The following CAMK2G variants were observed in gnomAD, a reference collection of about 807,000 sequenced individuals.
The protein encoded by CAMK2G is calcium/calmodulin dependent protein kinase II gamma.
CAMK2G carries 23 observed loss-of-function variants against 88.7 expected under a neutral mutation model. The ratio of observed to expected loss-of-function variants is 0.26; its 90% CI spans 0.19 to 0.37. The LOEUF (loss-of-function observed/expected upper bound fraction) is 0.37, where lower values mean the gene tolerates loss of function less well. Ranked by LOEUF, CAMK2G falls within the 10% of genes least tolerant of loss-of-function variation. The probability of loss-of-function intolerance (pLI) is 1.00; values close to 1 mark genes in which losing one functional copy is unlikely to be tolerated. For synonymous variants in CAMK2G, 263 were observed against 294.8 expected (o/e 0.89, Z 1.11); for missense variants, 476 against 780.8 (o/e 0.61, Z 4.65).
Position 73,837,483 on chromosome 10 carries a change from C to T in CAMK2G, c.1038G>A (p.Ser346=), listed in dbSNP as rs765989347. The change falls in exon 14 of 23, where the codon TCG becomes TCA. Residue 346 remains serine, a synonymous_variant. Transcript: ENST00000423381. Reference sequence around the variant, plus strand: ...AGACACTTACCTTGACACCGCCATCCGACTTCTTGTTCAATAGGCTTTTGG... The same window carrying T: ...AGACACTTACCTTGACACCGCCATCTGACTTCTTGTTCAATAGGCTTTTGG... ...QAAKSLLNKK[S]DGGVKKRKSS... is the part of the protein sequence containing the mutation. 2.3e-5 allele frequency: 37 copies of T among 1,613,536 alleles called. No homozygotes were observed. Among genetic ancestry groups the T allele is most frequent in the East Asian group, 4.5e-5 (2 of 44,880 alleles).
rs1217719810 is a variant in CAMK2G, at chr10:73,848,644, C to G, written c.518-35G>C. On this transcript the variant is annotated intron_variant, in intron 7 of 22. Coordinates refer to ENST00000423381, the MANE Select transcript of CAMK2G (RefSeq NM_001367534.1). The surrounding 1 kb of genome is among the most constrained non-coding windows in gnomAD (Gnocchi z 4.5). ...AAGAGAGGGCAGAGGCATACTGAACCCACTTTCTCTCTCGTTAAATCCACA... is the reference window on the plus strand; with the variant it reads ...AAGAGAGGGCAGAGGCATACTGAACGCACTTTCTCTCTCGTTAAATCCACA... 5 of 1,252,924 alleles carry G rather than the reference C, an allele frequency of 4.0e-6. No homozygotes were observed. In the East Asian group the frequency reaches 1.2e-4, roughly 30 times the overall value. 77.6% of individuals were successfully genotyped at this position (1,252,924 alleles called of 1,614,324 possible). A position where few individuals can be genotyped will look rare whatever the true frequency, so the allele number is the denominator to read the frequency against.
At chr10:73,823,924 C>T (rs1322209713) in intron 17 of CAMK2G, 116 bp downstream of exon 17, 5 of 803,996 alleles carry the variant, frequency 6.2e-6, no homozygotes, top group African/African-American at 5.1e-5. Context: ...AGGCTACCTT[C>T]AGCTGAGCCT....
At position 73,814,277 on chromosome 10, in the gene CAMK2G, ATCT is replaced by A. The variant is rs2084757251; in HGVS notation, c.*238_*240del. The A allele has an allele frequency of 9.2e-6, 1 of 108,726 alleles. No individual in the cohort carries two copies. The highest frequency in any genetic ancestry group is 3.6e-5 in the African/African-American group (1 of 27,478). The allele number at this position is 108,726 out of a possible 1,614,324, so 6.7% of individuals were successfully genotyped here. On this transcript the variant is annotated 3_prime_UTR_variant, in exon 23 of 23. Transcript: ENST00000423381. ...TATGGATTCCTTTTTTTTTTAAACA[ATCT>A]TTTTTTCTTTTTTTTTTTTCTTAAA...
chr10:73,848,982 C>T lies in CAMK2G; in HGVS notation c.517+31G>A, dbSNP rs2094441960. On this transcript the variant is annotated intron_variant, in intron 7 of 22. Transcript: ENST00000423381. This position sits in a 1 kb window ranked among gnomAD's most constrained non-coding sequence, Gnocchi z 4.5. The stretch of plus-strand genomic sequence containing the variant: ...TCAGGAAGAGGAGGAAGGGCGGGGG[C>T]TGCATTCCGGGAAGACAGGATCACC... 7.4e-7 allele frequency: 1 copy of T among 1,342,814 alleles called. No homozygotes were observed. The highest frequency in any genetic ancestry group is 1.7e-5 in the Admixed American group (1 of 59,678). 83.2% of individuals were successfully genotyped at this position (1,342,814 alleles called of 1,614,324 possible). A position where few individuals can be genotyped will look rare whatever the true frequency, so the allele number is the denominator to read the frequency against.
rs1425139596 is a variant in CAMK2G at position 73,812,609 on chromosome 10, CTA to C, written c.*1907_*1908del. The C allele has an allele frequency of 6.6e-6, 1 of 152,638 alleles. No individual in the cohort carries two copies. 9.5% of individuals were successfully genotyped at this position (152,638 alleles called of 1,614,324 possible). A position where few individuals can be genotyped will look rare whatever the true frequency, so the allele number is the denominator to read the frequency against. On this transcript the variant is annotated 3_prime_UTR_variant, in exon 23 of 23. Transcript: ENST00000423381. ...AACAAACACTATTTTTAAATTATTT[CTA>C]TGTTGTCATGCAAAAATTCTGCATC...
chr10:73,839,863 G>A lies in CAMK2G; in HGVS notation c.947-262C>T, dbSNP rs1288619272. 6.6e-6 allele frequency among the ~76,000 whole-genome samples: 1 copy of A among 152,168 alleles called. No individual in the cohort carries two copies. The highest frequency in any genetic ancestry group is 1.5e-5 in the Non-Finnish European group (1 of 68,012). On this transcript the variant is annotated intron_variant, in intron 12 of 22. Transcript: ENST00000423381. The surrounding 1 kb of genome is among the most constrained non-coding windows in gnomAD (Gnocchi z 4.2). The stretch of plus-strand genomic sequence containing the variant: ...GAGAGGGCTGCAGTGCCTGTCTCAT[G>A]ACCCCCTCCGGAGGAGGGTCCACAG...
At position 73,819,639 on chromosome 10, in the gene CAMK2G, G is replaced by A. The variant is rs1479258170; in HGVS notation, c.1256C>T (p.Pro419Leu). 4.5e-6 allele frequency: 7 copies of A among 1,538,876 alleles called. No homozygotes were observed. Among genetic ancestry groups the A allele is most frequent in the Non-Finnish European group, 5.2e-6 (6 of 1,144,284 alleles). ...CGAGCTGCCATTCCCAGTGCGGAGC[G>A]GGGCAGCTAGCCAGCCAGGGCAGGG... ...TTEDEDLKAAPLRTGNGSSVP... is the reference protein window; with the variant it reads ...TTEDEDLKAALLRTGNGSSVP... Residue 419 changes from proline to leucine, a missense_variant, in exon 19 of 23, where the codon CCG (proline) becomes CTG (leucine). By Grantham distance (98) the Pro-to-Leu change is moderately conservative (BLOSUM62 -3). This residue lies in a region of CAMK2G where 278 missense variants were observed against 366.5 expected (regional missense o/e 0.76). Coordinates refer to ENST00000423381, the MANE Select transcript of CAMK2G (RefSeq NM_001367534.1).
At chr10:73,838,346 T>C (rs949859907) in intron 13 of CAMK2G, among the ~76,000 whole-genome samples, 9 of 152,226 alleles carry the variant, frequency 5.9e-5, no homozygotes, top group African/African-American at 2.2e-4. Context: ...TGGGTCTGTA[T>C]CTTGGTTCCA....
intron 10 of CAMK2G, chr10:73,846,626 T>C (rs1230016817): frequency 6.6e-6 from 1 of 152,218 alleles, no homozygotes; most frequent in Non-Finnish European, 1.5e-5. Flanking sequence ...GACAGATAAA[T>C]AATGCCTCGT....
intron 17 of CAMK2G, among the ~76,000 whole-genome samples, chr10:73,822,159 C>G (rs1401396592): frequency 6.6e-6 from 1 of 152,148 alleles, no homozygotes; most frequent in Admixed American, 6.5e-5. Context: ...TCCACACTTA[C>G]CTCCTCCCTA....
chr10:73,848,138 CA>C lies in CAMK2G; in HGVS notation c.602-57del, dbSNP rs2094381400. The C allele has an allele frequency of 9.3e-6, 10 of 1,073,476 alleles. 1 individual carries two copies. In the Admixed American group the frequency reaches 1.4e-4, roughly 15 times the overall value. 66.5% of individuals were successfully genotyped at this position (1,073,476 alleles called of 1,614,324 possible). ...TCAGTCGCCTACTTCCCTGAGGAAC[CA>C]AGAAAAACCATGCAGGGCTCAGAGC... is the stretch of plus-strand genomic sequence containing the variant. On this transcript the variant is annotated intron_variant, in intron 8 of 22. Coordinates refer to ENST00000423381, the MANE Select transcript of CAMK2G (RefSeq NM_001367534.1). This position sits in a 1 kb window ranked among gnomAD's most constrained non-coding sequence, Gnocchi z 4.5.
At chr10:73,816,943 G>A in intron 21 of CAMK2G, 80 bp downstream of exon 21, 1 of 1,613,122 alleles carries the variant, frequency 6.2e-7, no homozygotes, top group Non-Finnish European at 8.5e-7. Flanking sequence ...TGGGCAACTG[G>A]GATGAGAAGG....
At chr10:73,851,945 CTA>C (rs1016938242) in intron 5 of CAMK2G, among the ~76,000 whole-genome samples, 2 of 152,104 alleles carry the variant, frequency 1.3e-5, no homozygotes, top group African/African-American at 4.8e-5. Context: ...CAGGGTTTCA[CTA>C]TGTTGGCCAG....
intron 17 of CAMK2G, among the ~76,000 whole-genome samples, chr10:73,822,233 T>C (rs2089160728): frequency 6.6e-6 from 1 of 152,220 alleles, no homozygotes; most frequent in Non-Finnish European, 1.5e-5. Flanking sequence ...AATGGCATGA[T>C]CTCGGCTCAC....
chr10:73,870,298 G>A (rs559067227), intron 2 of CAMK2G, among the ~76,000 whole-genome samples: 5 of 152,128 alleles, frequency 3.3e-5, no homozygotes, highest in South Asian at 4.1e-4. Context: ...CTCCTATCAC[G>A]GTTCTGAAGC....
chr10:73,863,287 T>G (rs972078771), intron 2 of CAMK2G, among the ~76,000 whole-genome samples: 1 of 152,140 alleles, frequency 6.6e-6, no homozygotes, highest in Admixed American at 6.5e-5. Flanking sequence ...GAACCCCAAG[T>G]AACTCCCAAC....
At chr10:73,816,415 A>G (rs2133084825) in intron 21 of CAMK2G, 1 of 1,052,132 alleles carries the variant, frequency 9.5e-7, no homozygotes, top group African/African-American at 1.7e-5. Flanking sequence ...ACCTAATCTC[A>G]AAGGGTTTCC....
At chr10:73,852,143 C>G (rs1224661198) in intron 5 of CAMK2G, 111 bp downstream of exon 5, 5 of 796,550 alleles carry the variant, frequency 6.3e-6, no homozygotes, top group Non-Finnish European at 1.1e-5. Flanking sequence ...CTATTCTGAT[C>G]TTCCCCAAAG....
rs1216477459 is a variant in CAMK2G at position 73,821,720 on chromosome 10, T to G, written c.1211A>C (p.Glu404Ala). The G allele has an allele frequency of 6.2e-7, 1 of 1,611,708 alleles. No individual in the cohort carries two copies. Among genetic ancestry groups the G allele is most frequent in the Non-Finnish European group, 8.5e-7 (1 of 1,178,934 alleles). Reference protein sequence around the residue: ...NATDGIKGSTESCNTTTEDED... With the variant: ...NATDGIKGSTASCNTTTEDED... ...ATCTTCTGTGGTGGTGTTGCAGCTC[T>G]CTGTGGAGCCCTGTAGGCCAAAAAG... is the stretch of plus-strand genomic sequence containing the variant. Residue 404 changes from glutamate (E) to alanine (A), a missense_variant, in exon 18 of 23, where the codon GAG becomes GCG. Coordinates refer to ENST00000423381, the MANE Select transcript of CAMK2G (RefSeq NM_001367534.1).
Sources: allele counts gnomAD v4.1 joint callset (sites outside exome capture counted in the v4.1 genomes callset), GRCh38; gene constraint gnomAD v4.1.1; regional missense constraint gnomAD v4.1.1; non-coding constraint Gnocchi (gnomAD v3.1); transcripts MANE v1.5; gene names NCBI Gene and HGNC (gene_info 2026-07-23, HGNC 2026-07-21).